Variants in SHROOM3 observed in about 807,000 individuals in gnomAD.
SHROOM3 encodes the protein protein Shroom3.
Under a neutral mutation model 138.6 loss-of-function variants are expected in SHROOM3, and 47 were observed. The observed-to-expected ratio is 0.34, with a 90% CI of 0.27 to 0.43. The LOEUF (loss-of-function observed/expected upper bound fraction) is 0.43, where lower values mean the gene tolerates loss of function less well. Ranked by LOEUF, SHROOM3 falls within the 20% of genes least tolerant of loss-of-function variation. The probability of loss-of-function intolerance (pLI) is 1.00; values close to 1 mark genes in which losing one functional copy is unlikely to be tolerated. For missense variants in SHROOM3, 2,491 were observed against 2,596.5 expected (o/e 0.96, Z 0.88); for synonymous variants, 1,062 against 1,063.3 (o/e 1.00, Z 0.02).
chr4:76,605,664 A>G lies in SHROOM3; in HGVS notation c.323+49901A>G, dbSNP rs376919730. On this transcript the variant is annotated intron_variant, in intron 2 of 10. Coordinates refer to ENST00000296043, the MANE Select transcript of SHROOM3 (RefSeq NM_020859.4). ...AGTGACAACAAAGGGAAAAAACCTA[A>G]TTAAGTTGCTGAAGAGGGGGAAAAT... 6.5e-4 allele frequency among the ~76,000 whole-genome samples: 99 copies of G among 152,258 alleles called. 1 individual carries two copies. In the East Asian group the frequency reaches 8.7e-3, roughly 13 times the overall value.
intron 2 of SHROOM3, among the ~76,000 whole-genome samples, chr4:76,556,127 TG>T (rs1733479382): frequency 6.6e-6 from 1 of 152,066 alleles, no homozygotes; most frequent in Non-Finnish European, 1.5e-5. Context: ...GAAATTGGCT[TG>T]GAGCTTTCAG....
At chr4:76,773,721 C>T (rs1722450729) in intron 10 of SHROOM3, among the ~76,000 whole-genome samples, 1 of 152,212 alleles carries the variant, frequency 6.6e-6, no homozygotes, top group African/African-American at 2.4e-5. Flanking sequence ...TTTCTTTTCG[C>T]ACTCTCCAGT....
At chr4:76,555,022 C>T (rs1483492122) in intron 1 of SHROOM3, among the ~76,000 whole-genome samples, 1 of 151,332 alleles carries the variant, frequency 6.6e-6, no homozygotes, top group Non-Finnish European at 1.5e-5. Context: ...CTCATCGCCC[C>T]CAGTGGGACC....
At chr4:76,552,159 G>A (rs1238663625) in intron 1 of SHROOM3, among the ~76,000 whole-genome samples, 1 of 150,558 alleles carries the variant, frequency 6.6e-6, no homozygotes, top group African/African-American at 2.4e-5. Flanking sequence ...ACTGCGCCTG[G>A]CCTAAATTTT....
At chr4:76,723,223 G>C (rs1327458896) in intron 3 of SHROOM3, among the ~76,000 whole-genome samples, 1 of 152,028 alleles carries the variant, frequency 6.6e-6, no homozygotes, top group Non-Finnish European at 1.5e-5. Flanking sequence ...CCATTCATGT[G>C]AGCTTTTTGT....
intron 2 of SHROOM3, chr4:76,709,883 TAGAAAATCTGGG>T: frequency 2.5e-6 from 1 of 399,868 alleles, no homozygotes. Context: ...CCTTTTTGCT[TAGAAAATCTGGG>T]TTTTCTGAGA....
At chr4:76,494,523 G>A (rs1411510113) in intron 1 of SHROOM3, among the ~76,000 whole-genome samples, 6 of 152,180 alleles carry the variant, frequency 3.9e-5, no homozygotes, top group Non-Finnish European at 1.5e-5. Flanking sequence ...CTCCCAGATG[G>A]TAAGTGTTTT....
chr4:76,522,623 A>G lies in SHROOM3; in HGVS notation c.169-32986A>G, dbSNP rs540977376. ...AGCCTGGCCAGCATGGTGAAATCCC[A>G]TCTCTACTAAAAATACAAAAAATTA... is the stretch of plus-strand genomic sequence containing the variant. On this transcript the variant is annotated intron_variant, in intron 1 of 10. Transcript: ENST00000296043. Among the ~76,000 whole-genome samples, 17 of 152,118 alleles carry G rather than the reference A, an allele frequency of 1.1e-4. No individual in the cohort carries two copies. In the South Asian group the frequency reaches 3.5e-3, roughly 32 times the overall value.
chr4:76,553,565 C>A (rs11723845), intron 1 of SHROOM3, among the ~76,000 whole-genome samples: 1 of 151,952 alleles, frequency 6.6e-6, no homozygotes, highest in Non-Finnish European at 1.5e-5. Context: ...CATGAGACAC[C>A]GCACGAGGCC....
intron 2 of SHROOM3, among the ~76,000 whole-genome samples, chr4:76,594,564 A>C (rs1262899705): frequency 6.6e-6 from 1 of 152,260 alleles, no homozygotes; most frequent in East Asian, 1.9e-4. Context: ...TCATGGGACA[A>C]TTACAGTGTT....
chr4:76,549,432 G>A (rs1026666167), intron 1 of SHROOM3, among the ~76,000 whole-genome samples: 6 of 151,796 alleles, frequency 4.0e-5, no homozygotes, highest in Middle Eastern at 3.4e-3. Context: ...GCAGTGGAGC[G>A]ATCTTGGCTC....
chr4:76,519,133 C>G (rs1222234265), intron 1 of SHROOM3, among the ~76,000 whole-genome samples: 1 of 152,134 alleles, frequency 6.6e-6, no homozygotes, highest in Non-Finnish European at 1.5e-5. Context: ...GGCCACATGC[C>G]CACCTGGGTG....
At chr4:76,704,982 A>G (rs1720008377) in intron 2 of SHROOM3, among the ~76,000 whole-genome samples, 1 of 152,174 alleles carries the variant, frequency 6.6e-6, no homozygotes, top group Non-Finnish European at 1.5e-5. Flanking sequence ...ATGCAAACTC[A>G]ATAGAAACCA....
At chr4:76,644,865 G>GGA (rs1373253975) in intron 2 of SHROOM3, among the ~76,000 whole-genome samples, 1 of 152,126 alleles carries the variant, frequency 6.6e-6, no homozygotes, top group East Asian at 1.9e-4. Context: ...CAGGACTTAA[G>GGA]GAGAAGCAAG....
chr4:76,728,356 A>G (rs1366151715), intron 3 of SHROOM3, among the ~76,000 whole-genome samples: 4 of 152,194 alleles, frequency 2.6e-5, no homozygotes, highest in Non-Finnish European at 5.9e-5. Context: ...AATAAGTCTC[A>G]TGAGATCTAG....
chr4:76,688,825 C>G, intron 2 of SHROOM3: 1 of 985,284 alleles, frequency 1.0e-6, no homozygotes, highest in Non-Finnish European at 1.2e-6. Flanking sequence ...TAATCAGAGA[C>G]GATGCTTATG....
chr4:76,542,981 A>C (rs1287790319), intron 1 of SHROOM3, among the ~76,000 whole-genome samples: 2 of 151,944 alleles, frequency 1.3e-5, no homozygotes, highest in Non-Finnish European at 2.9e-5. Context: ...GATCATGAAC[A>C]CTCCAGGAAT....
intron 2 of SHROOM3, among the ~76,000 whole-genome samples, chr4:76,603,775 C>T (rs545832469): frequency 6.6e-6 from 1 of 151,776 alleles, no homozygotes; most frequent in Non-Finnish European, 1.5e-5. Context: ...ATGTTCCCCT[C>T]CCTGTGTCCA....
At chr4:76,661,554 C>T (rs1736188066) in intron 2 of SHROOM3, among the ~76,000 whole-genome samples, 1 of 152,176 alleles carries the variant, frequency 6.6e-6, no homozygotes, top group Non-Finnish European at 1.5e-5. Flanking sequence ...ATTTTTATCA[C>T]CAGATAAAGT....
Sources: allele counts gnomAD v4.1 joint callset (sites outside exome capture counted in the v4.1 genomes callset), GRCh38; gene constraint gnomAD v4.1.1; transcripts MANE v1.5; gene names NCBI Gene and HGNC (gene_info 2026-07-23, HGNC 2026-07-21).